LRP1: variants seen among roughly 807,000 people sequenced by gnomAD.
LRP1 encodes the protein LDL receptor related protein 1.
LRP1 carries 51 observed loss-of-function variants against 541.5 expected under a neutral mutation model. The observed-to-expected ratio is 0.09, with a 90% CI of 0.08 to 0.12. The LOEUF is 0.12. Among genes scored for constraint, LRP1 ranks in the 10% least tolerant of loss-of-function variants. The pLI is 1.00. For missense variants in LRP1, 3,878 were observed against 6,376.2 expected, an observed-to-expected ratio of 0.61 and a Z score of 13.34; for synonymous variants, 2,219 against 2,470.8, an observed-to-expected ratio of 0.90 and a Z score of 3.02.
At chr12:57,175,730 G>GGCAGGCCGA (rs1565733872) in intron 23 of LRP1, 25 bp downstream of exon 23, 17 of 1,551,496 alleles carry the variant, frequency 1.1e-5, no homozygotes, top group Admixed American at 7.3e-5. Flanking sequence ...AGGTGTGGTG[G>GGCAGGCCGA]GGCAGGCCGA....
chr12:57,167,042 G>A lies in LRP1; in HGVS notation c.2910G>A (p.Ser970=), dbSNP rs78054559. 1.3e-3 allele frequency: 2,041 copies of A among 1,613,162 alleles called. 7 individuals carry two copies. Among genetic ancestry groups the A allele is most frequent in the South Asian group, 4.2e-3 (383 of 91,030 alleles). Residue 970 remains serine, a synonymous_variant, in exon 18 of 89, where the codon TCG becomes TCA. Coordinates refer to ENST00000243077, the MANE Select transcript of LRP1 (RefSeq NM_002332.3). ...GGGACCGCTCTGATGAGTCTGCTTC[G>A]TGTGGTAAGAGGGATGGGCAGAGGG... ...DCGDRSDESA[S]CAYPTCFPLT... is the part of the protein sequence containing the mutation.
intron 81 of LRP1, 25 bp from the exon 82 acceptor site, chr12:57,210,282 G>GC: frequency 6.5e-7 from 1 of 1,548,294 alleles, no homozygotes; most frequent in East Asian, 2.3e-5. Context: ...CCCTGGCTCT[G>GC]CCCCTTGACG....
In LRP1 at chr12:57,138,536, G is replaced by A. The variant is rs375203123; in HGVS notation, c.145G>A (p.Gly49Ser). Reference sequence around the variant, plus strand: ...TATCTCAAAGGGCTGGCGGTGCGACGGTGAGAGGGACTGCCCAGACGGATC... The same window carrying A: ...TATCTCAAAGGGCTGGCGGTGCGACAGTGAGAGGGACTGCCCAGACGGATC... The part of the protein sequence containing the change: ...TCISKGWRCD[G>S]ERDCPDGSDE... Residue 49 changes from glycine to serine, a missense_variant, in exon 2 of 89, where the codon GGT becomes AGT. Physicochemically the swap from Gly to Ser is moderately conservative, Grantham distance 56. Around this residue, in one of 13 missense-constraint regions of LRP1, gnomAD observed 293 missense variants for 403.7 expected, o/e 0.73. Coordinates refer to ENST00000243077, the MANE Select transcript of LRP1 (RefSeq NM_002332.3). 41 of 1,613,946 alleles carry A rather than the reference G, an allele frequency of 2.5e-5. No individual in the cohort carries two copies. The Admixed American group carries it at 3.3e-4, about 13-fold the overall frequency.
intron 77 of LRP1, chr12:57,208,446 C>A: frequency 1.7e-6 from 1 of 602,882 alleles, no homozygotes; most frequent in Non-Finnish European, 2.9e-6. Context: ...CTCTGCTTGG[C>A]CGGCTGTCAT....
At chr12:57,136,338 G>T (rs2035163299) in intron 1 of LRP1, among the ~76,000 whole-genome samples, 1 of 151,264 alleles carries the variant, frequency 6.6e-6, no homozygotes, top group Non-Finnish European at 1.5e-5. Flanking sequence ...CCAGCGGTGG[G>T]GGTTAGGAGG....
chr12:57,194,292 C>T (rs1364385305), intron 48 of LRP1, 62 bp from the exon 49 acceptor site: 20 of 1,491,914 alleles, frequency 1.3e-5, no homozygotes, highest in Admixed American at 1.2e-4. Context: ...GGGCTGGCAG[C>T]TGCCCCAGTC....
chr12:57,193,151 A>C, intron 45 of LRP1, 25 bp from the exon 46 acceptor site: 1 of 1,612,040 alleles, frequency 6.2e-7, no homozygotes, highest in Non-Finnish European at 8.5e-7. Context: ...CTGGCTCAGA[A>C]AGCTCCCTCC....
In LRP1 at chr12:57,198,537, C is replaced by G; in HGVS notation, c.9543C>G (p.Ser3181Arg). 2 of 1,613,984 alleles carry G rather than the reference C, an allele frequency of 1.2e-6. No homozygotes were observed. The highest frequency in any genetic ancestry group is 1.7e-6 in the Non-Finnish European group (2 of 1,179,968). Residue 3181 changes from serine to arginine, a missense_variant, in exon 60 of 89, where the codon AGC (serine) becomes AGG (arginine). Around this residue, in one of 13 missense-constraint regions of LRP1, gnomAD observed 1,100 missense variants for 1,827.4 expected, o/e 0.60. Transcript: ENST00000243077. ...TCGGCATGGATGGGTCCAGCCGCAGCGTCATCGTGGACACCAAGATCACAT... is the reference window on the plus strand; with the variant it reads ...TCGGCATGGATGGGTCCAGCCGCAGGGTCATCGTGGACACCAAGATCACAT... ...GRIGMDGSSR[S>R]VIVDTKITWP...
intron 42 of LRP1, 40 bp downstream of exon 42, chr12:57,187,496 G>A (rs1464430327): frequency 1.3e-6 from 2 of 1,583,464 alleles, no homozygotes; most frequent in Admixed American, 1.7e-5. Flanking sequence ...AGGGAGAGGT[G>A]GGACTCGGGG....
chr12:57,148,569 C>T (rs1477606700), intron 6 of LRP1, among the ~76,000 whole-genome samples: 1 of 152,144 alleles, frequency 6.6e-6, no homozygotes, highest in Non-Finnish European at 1.5e-5. Context: ...GACCCCAGCC[C>T]AGCCCTGCAT....
Position 57,201,179 on chromosome 12 carries a change from C to A in LRP1, c.10345+26C>A. 1 of 1,612,424 alleles carries A rather than the reference C, an allele frequency of 6.2e-7. No individual in the cohort carries two copies. Among genetic ancestry groups the A allele is most frequent in the South Asian group, 1.1e-5 (1 of 90,978 alleles). On this transcript the variant is annotated intron_variant, in intron 65 of 88. Transcript: ENST00000243077. The surrounding 1 kb of genome is among the most constrained non-coding windows in gnomAD (Gnocchi z 6.4). ...GTGAGTGTCAGAGGTGGTGGTGGGC[C>A]GGTGGTGGGAGATGACACGGAAGCA...
intron 8 of LRP1, among the ~76,000 whole-genome samples, chr12:57,155,765 A>G (rs1016938628): frequency 6.6e-6 from 1 of 152,076 alleles, no homozygotes. Context: ...CCTGAGCAAC[A>G]TAGGGAAACC....
chr12:57,178,075 T>C lies in LRP1; in HGVS notation c.4362-284T>C, dbSNP rs2036086717. On this transcript the variant is annotated intron_variant, in intron 26 of 88. Transcript: ENST00000243077. The surrounding 1 kb of genome is among the most constrained non-coding windows in gnomAD (Gnocchi z 5.8). ...CGCTGAGGGTGCCTTTTTCTGACTT[T>C]CATCAAAGCCCTGAGTGCTGACAGC... Among the ~76,000 whole-genome samples the C allele has an allele frequency of 1.3e-5, 2 of 151,998 alleles. No homozygotes were observed. The highest frequency in any genetic ancestry group is 4.2e-4 in the South Asian group (2 of 4,818).
At chr12:57,141,553 C>T (rs376505273) in intron 3 of LRP1, 42 bp downstream of exon 3, 2 of 1,612,522 alleles carry the variant, frequency 1.2e-6, no homozygotes, top group Non-Finnish European at 1.7e-6. Context: ...CTGGATGCAG[C>T]ATATTATCAG....
chr12:57,187,842 G>A (rs2036299734), intron 42 of LRP1, among the ~76,000 whole-genome samples: 1 of 152,212 alleles, frequency 6.6e-6, no homozygotes, highest in Non-Finnish European at 1.5e-5. Context: ...GGCCTACCAA[G>A]CCACCTAGCT....
intron 62 of LRP1, 131 bp downstream of exon 62, chr12:57,200,156 C>T (rs1381036296): frequency 1.3e-6 from 1 of 764,338 alleles, no homozygotes; most frequent in East Asian, 2.7e-5. Context: ...CCCCACATTT[C>T]TTGCCTACCT....
At position 57,208,741 on chromosome 12, in the gene LRP1, C is replaced by T; in HGVS notation, c.12069C>T (p.His4023=). The stretch of plus-strand genomic sequence containing the variant: ...TGTACTGGTCAGACTGGGGCAACCA[C>T]CCCAAGATTGAGACGGCAGCGATGG... The part of the protein sequence containing the change: ...GTMYWSDWGN[H]PKIETAAMDG... The change falls in exon 78 of 89, where the codon CAC becomes CAT. Residue 4023 remains histidine (H), a synonymous_variant. Coordinates refer to ENST00000243077, the MANE Select transcript of LRP1 (RefSeq NM_002332.3). 6.2e-7 allele frequency: 1 copy of T among 1,614,004 alleles called. No individual in the cohort carries two copies.
rs985203914 is a variant in LRP1, at chr12:57,183,963, G to A, written c.5929+54G>A. The A allele has an allele frequency of 8.1e-6, 13 of 1,610,516 alleles. No individual in the cohort carries two copies. Among genetic ancestry groups the A allele is most frequent in the South Asian group, 3.3e-5 (3 of 90,798 alleles). ...GGGGTGTGGCAGAGGACTGGGGGAC[G>A]AAGTGAGAGGAGGAGTTGGCGGGAG... On this transcript the variant is annotated intron_variant, in intron 36 of 88. Transcript: ENST00000243077. This position sits in a 1 kb window ranked among gnomAD's most constrained non-coding sequence, Gnocchi z 6.1.
At chr12:57,209,309 C>G (rs1463162819) in intron 79 of LRP1, 110 bp downstream of exon 79, 2 of 897,614 alleles carry the variant, frequency 2.2e-6, no homozygotes, top group Non-Finnish European at 1.8e-6. Flanking sequence ...TCACTGACCC[C>G]CAGCAATGCT....
Sources: gnomAD v4.1 joint callset for allele counts (sites outside exome capture counted in the v4.1 genomes callset) on GRCh38, gnomAD v4.1.1 for gene constraint, gnomAD v4.1.1 regional missense constraint, Gnocchi (gnomAD v3.1) non-coding constraint, MANE v1.5 for transcripts, NCBI Gene and HGNC (gene_info 2026-07-23, HGNC 2026-07-21) for gene names.